The following SCAMP1 variants were observed in gnomAD, a reference collection of about 807,000 sequenced individuals.
SCAMP1 encodes secretory carrier-associated membrane protein 1.
SCAMP1 carries 15 observed loss-of-function variants against 41.8 expected under a neutral mutation model. That is an observed-to-expected ratio of 0.36 (90% CI 0.24 to 0.55). The LOEUF is 0.55. SCAMP1 is among the 20% of genes least tolerant of loss of function. The pLI, the probability that SCAMP1 is intolerant of heterozygous loss-of-function variation, is 0.86. For synonymous variants in SCAMP1, 135 were observed against 136.8 expected, an observed-to-expected ratio of 0.99 and a Z score of 0.09; for missense variants, 341 against 412.6, an observed-to-expected ratio of 0.83 and a Z score of 1.50.
intron 6 of SCAMP1, among the ~76,000 whole-genome samples, chr5:78,436,030 A>C (rs1246551267): frequency 6.6e-6 from 1 of 152,186 alleles, no homozygotes; most frequent in African/African-American, 2.4e-5. Context: ...TCTTCTTTTG[A>C]AAAGTGTCTG....
chr5:78,436,108 A>G (rs1234813257), intron 6 of SCAMP1, among the ~76,000 whole-genome samples: 4 of 152,282 alleles, frequency 2.6e-5, no homozygotes, highest in Admixed American at 2.6e-4. Context: ...AGACTTTTGT[A>G]GATTCTGGAT....
chr5:78,442,643 C>T (rs1388804285), intron 6 of SCAMP1, among the ~76,000 whole-genome samples: 6 of 152,094 alleles, frequency 3.9e-5, no homozygotes, highest in South Asian at 4.1e-4. Context: ...TGTTGATTTC[C>T]GTTTTCCTTT....
At chr5:78,423,684 T>C (rs111862032) in intron 6 of SCAMP1, among the ~76,000 whole-genome samples, 8 of 151,666 alleles carry the variant, frequency 5.3e-5, no homozygotes, top group East Asian at 1.9e-4. Context: ...CTTTTTTTTT[T>C]CCCCCATTTT....
chr5:78,449,919 T>G lies in SCAMP1; in HGVS notation c.633-14T>G. On this transcript the variant is annotated splice_polypyrimidine_tract_variant and intron_variant, in intron 6 of 8. Transcript: ENST00000621999. ...TAACCCCCTTTTTTCTTTCTTTCTT[T>G]TTTTTTTTCAAAGGAGTGACAGTTC... 7.0e-7 allele frequency: 1 copy of G among 1,433,704 alleles called. No individual in the cohort carries two copies. Among genetic ancestry groups the G allele is most frequent in the Non-Finnish European group, 9.4e-7 (1 of 1,061,468 alleles). The allele number at this position is 1,433,704 out of a possible 1,614,324, so 88.8% of individuals were successfully genotyped here.
intron 2 of SCAMP1, among the ~76,000 whole-genome samples, chr5:78,391,912 C>T (rs1174400287): frequency 1.3e-5 from 2 of 152,068 alleles, no homozygotes; most frequent in African/African-American, 4.8e-5. Flanking sequence ...CAGGCTGAGG[C>T]AGGAGAATCA....
At position 78,459,257 on chromosome 5, in the gene SCAMP1, A is replaced by G. The variant is rs1156303410; in HGVS notation, c.747A>G (p.Ser249=). Residue 249 remains serine (S), a synonymous_variant, in exon 8 of 9, where the codon TCA becomes TCG. Transcript: ENST00000621999. ...TATTACTTTTTAGTGGTTGGATTTC[A>G]TCCCTTACTGGTCTCAACCAAAATA... ...FHNWGNCGWI[S]SLTGLNQNIP... is the part of the protein sequence containing the mutation. The G allele has an allele frequency of 2.6e-6, 4 of 1,551,576 alleles. No individual in the cohort carries two copies. The highest frequency in any genetic ancestry group is 1.4e-5 in the African/African-American group (1 of 73,702).
chr5:78,410,987 C>T (rs1752061719), intron 2 of SCAMP1, among the ~76,000 whole-genome samples: 1 of 151,370 alleles, frequency 6.6e-6, no homozygotes, highest in African/African-American at 2.4e-5. Flanking sequence ...TTTTTAATGG[C>T]ATTTTTTTCT....
chr5:78,459,471 A>G (rs567361634), intron 8 of SCAMP1, 109 bp downstream of exon 8: 8 of 624,014 alleles, frequency 1.3e-5, no homozygotes, highest in African/African-American at 5.6e-5. Context: ...TCGTTATTGT[A>G]TGAGTTTGCT....
At chr5:78,460,769 C>T (rs1753569661) in intron 8 of SCAMP1, among the ~76,000 whole-genome samples, 1 of 38,572 alleles carries the variant, frequency 2.6e-5, no homozygotes, top group African/African-American at 1.8e-4. Flanking sequence ...TCCTTCCTTC[C>T]TTCCTTCCTT....
Position 78,458,190 on chromosome 5 carries a change from C to T in SCAMP1, c.735-1055C>T, listed in dbSNP as rs186281129. Among the ~76,000 whole-genome samples, 7 of 152,228 alleles carry T rather than the reference C, an allele frequency of 4.6e-5. No homozygotes were observed. The East Asian group carries it at 7.7e-4, about 17-fold the overall frequency. On this transcript the variant is annotated intron_variant, in intron 7 of 8. Coordinates refer to ENST00000621999, the MANE Select transcript of SCAMP1 (RefSeq NM_004866.6). The stretch of plus-strand genomic sequence containing the variant: ...GCTGTAGACCGGAGCTGTTCCTATT[C>T]GGCCATCTTGGCTCCTCTCCGCATG...
intron 2 of SCAMP1, among the ~76,000 whole-genome samples, chr5:78,390,368 G>A (rs1162214231): frequency 6.6e-6 from 1 of 152,186 alleles, no homozygotes; most frequent in East Asian, 1.9e-4. Flanking sequence ...GATCACTAAA[G>A]TGCTCTTTGA....
At chr5:78,400,852 ATTAG>A (rs1345722022) in intron 2 of SCAMP1, among the ~76,000 whole-genome samples, 1 of 151,992 alleles carries the variant, frequency 6.6e-6, no homozygotes, top group African/African-American at 2.4e-5. Flanking sequence ...GTCTTATTAC[ATTAG>A]TTAGGACTTC....
intron 2 of SCAMP1, among the ~76,000 whole-genome samples, chr5:78,404,453 G>GTTCTTTT (rs1751880529): frequency 1.0e-5 from 1 of 98,180 alleles, no homozygotes; most frequent in Non-Finnish European, 1.9e-5. Context: ...AGCCTTACAG[G>GTTCTTTT]TTTTTTTTTT....
At chr5:78,438,156 A>G (rs1238189307) in intron 6 of SCAMP1, among the ~76,000 whole-genome samples, 1 of 152,152 alleles carries the variant, frequency 6.6e-6, no homozygotes, top group Non-Finnish European at 1.5e-5. Flanking sequence ...GATCTTTTCA[A>G]AAAACCAGCT....
chr5:78,465,153 C>T (rs1753714265), intron 8 of SCAMP1, among the ~76,000 whole-genome samples: 1 of 152,128 alleles, frequency 6.6e-6, no homozygotes, highest in African/African-American at 2.4e-5. Context: ...GGAAACTTAA[C>T]TGTCTATATT....
At chr5:78,451,573 C>T (rs1424572710) in intron 7 of SCAMP1, among the ~76,000 whole-genome samples, 1 of 152,156 alleles carries the variant, frequency 6.6e-6, no homozygotes, top group Non-Finnish European at 1.5e-5. Context: ...AGTCTACAAC[C>T]TTTGGCTTTT....
intron 2 of SCAMP1, among the ~76,000 whole-genome samples, chr5:78,398,071 C>T (rs980216104): frequency 6.6e-6 from 1 of 152,154 alleles, no homozygotes; most frequent in African/African-American, 2.4e-5. Context: ...GTGGAGTTAC[C>T]ATATGACCCT....
intron 4 of SCAMP1, among the ~76,000 whole-genome samples, chr5:78,418,167 A>G (rs1312408551): frequency 1.3e-5 from 2 of 151,710 alleles, no homozygotes; most frequent in Admixed American, 6.6e-5. Flanking sequence ...CTTCCTTATC[A>G]TGACTGTTTC....
At chr5:78,426,495 A>C (rs1469431132) in intron 6 of SCAMP1, among the ~76,000 whole-genome samples, 2 of 152,100 alleles carry the variant, frequency 1.3e-5, no homozygotes, top group Admixed American at 1.3e-4. Flanking sequence ...CTGGCATGAG[A>C]TTGTATCTCA....
Sources: allele counts gnomAD v4.1 joint callset (sites outside exome capture counted in the v4.1 genomes callset), GRCh38; gene constraint gnomAD v4.1.1; transcripts MANE v1.5; gene names NCBI Gene and HGNC (gene_info 2026-07-23, HGNC 2026-07-21).